The following LOXL4 variants were observed in gnomAD, a reference collection of about 807,000 sequenced individuals.
The protein encoded by LOXL4 is lysyl oxidase homolog 4.
LOXL4 carries 72 observed loss-of-function variants against 89.1 expected under a neutral mutation model. The ratio of observed to expected loss-of-function variants is 0.81; its 90% confidence interval spans 0.67 to 0.98. The LOEUF is 0.98. LOXL4 is among the 50% of genes least tolerant of loss of function. The pLI, the probability that LOXL4 is intolerant of heterozygous loss-of-function variation, is 0.00. For synonymous variants in LOXL4, 355 were observed against 392.1 expected (o/e 0.91, Z 1.12); for missense variants, 984 against 1,017.5 (o/e 0.97, Z 0.45).
chr10:98,251,493 A>G (rs1244737749), intron 13 of LOXL4, 73 bp downstream of exon 13: 6 of 1,575,458 alleles, frequency 3.8e-6, no homozygotes, highest in Non-Finnish European at 5.2e-6. Context: ...TCTTCCCTTC[A>G]TTTGCCCTCA....
chr10:98,265,190 G>A (rs1216670432), intron 1 of LOXL4, among the ~76,000 whole-genome samples: 6 of 152,134 alleles, frequency 3.9e-5, no homozygotes, highest in Admixed American at 6.5e-5. Context: ...GCTGGGGTTC[G>A]AATCCTGCCT....
In LOXL4 at chr10:98,260,130, A is replaced by G. The variant is rs1048483513; in HGVS notation, c.663-701T>C. ...GACTGTGGCTGTCGTTTACTGGTTGATGCAATCAGTTGTGACAGTTCCGCC... is the reference window on the plus strand; with the variant it reads ...GACTGTGGCTGTCGTTTACTGGTTGGTGCAATCAGTTGTGACAGTTCCGCC... On this transcript the variant is annotated intron_variant, in intron 4 of 14. Transcript: ENST00000260702. 7.9e-5 allele frequency among the ~76,000 whole-genome samples: 12 copies of G among 152,288 alleles called. No individual in the cohort carries two copies. The East Asian group carries it at 2.3e-3, about 29-fold the overall frequency.
At chr10:98,260,672 C>A (rs1191502660) in intron 4 of LOXL4, among the ~76,000 whole-genome samples, 1 of 152,148 alleles carries the variant, frequency 6.6e-6, no homozygotes, top group African/African-American at 2.4e-5. Context: ...TTCTCTCCCC[C>A]AATCCCAACA....
intron 1 of LOXL4, 83 bp from the exon 2 acceptor site, chr10:98,263,134 G>T: frequency 8.6e-7 from 1 of 1,163,558 alleles, no homozygotes; most frequent in Non-Finnish European, 1.2e-6. Context: ...CTCCTGGCAA[G>T]ACAAAGGAAA....
chr10:98,256,950 G>A lies in LOXL4; in HGVS notation c.1261-3C>T. On this transcript the variant is annotated splice_region_variant and splice_polypyrimidine_tract_variant and intron_variant, in intron 8 of 14. Transcript: ENST00000260702. ...ATACGCCCACCAGCCAAGCGCACCT[G>A]CAATGGCGAGGGGTGTGTGAGGAGT... 1 of 1,613,658 alleles carries A rather than the reference G, an allele frequency of 6.2e-7. No individual in the cohort carries two copies.
At chr10:98,267,489 G>A (rs1182030671) in intron 1 of LOXL4, among the ~76,000 whole-genome samples, 3 of 152,150 alleles carry the variant, frequency 2.0e-5, no homozygotes, top group Non-Finnish European at 4.4e-5. Flanking sequence ...TGTCCTGAGG[G>A]TGCAGCAACT....
chr10:98,252,810 G>T (rs1307900312), intron 11 of LOXL4, among the ~76,000 whole-genome samples: 1 of 152,196 alleles, frequency 6.6e-6, no homozygotes, highest in Non-Finnish European at 1.5e-5. Flanking sequence ...CCTAGGAGCT[G>T]ACCTGCTGGG....
At chr10:98,258,356 A>C (rs1397603110) in intron 6 of LOXL4, among the ~76,000 whole-genome samples, 192 bp from the exon 7 acceptor site, 1 of 151,664 alleles carries the variant, frequency 6.6e-6, no homozygotes, top group Non-Finnish European at 1.5e-5. Context: ...CTTGATCTCC[A>C]TTTCTTCAAT....
At chr10:98,249,601 A>C (rs1858129611) in intron 14 of LOXL4, among the ~76,000 whole-genome samples, 1 of 152,224 alleles carries the variant, frequency 6.6e-6, no homozygotes, top group African/African-American at 2.4e-5. Flanking sequence ...CCTTTAATTA[A>C]ATAAACTCAG....
rs1336388698 is a variant in LOXL4, at chr10:98,252,488, G to A, written c.1836-20C>T. On this transcript the variant is annotated intron_variant, in intron 11 of 14. Transcript: ENST00000260702. ...TAATGCCTGCAGAAGGGGTAGAGCTGTCAGTGCGGCAGCAACAGGAGAGGG... is the reference window on the plus strand; with the variant it reads ...TAATGCCTGCAGAAGGGGTAGAGCTATCAGTGCGGCAGCAACAGGAGAGGG... The A allele has an allele frequency of 4.5e-6, 7 of 1,555,768 alleles. No homozygotes were observed. The highest frequency in any genetic ancestry group is 5.3e-6 in the Non-Finnish European group (6 of 1,127,670).
intron 12 of LOXL4, 177 bp downstream of exon 12, chr10:98,252,176 A>G (rs770189239): frequency 1.7e-6 from 1 of 591,246 alleles, no homozygotes; most frequent in South Asian, 2.0e-5. Flanking sequence ...AGAGGAAGTA[A>G]AAACCTCCTG....
intron 1 of LOXL4, 120 bp from the exon 2 acceptor site, chr10:98,263,171 T>TGG: frequency 1.4e-6 from 1 of 718,150 alleles, no homozygotes. Context: ...TGTGTGTGTG[T>TGG]GTGCACGCGC....
chr10:98,251,434 G>T, intron 13 of LOXL4, 132 bp downstream of exon 13: 1 of 1,266,844 alleles, frequency 7.9e-7, no homozygotes, highest in Non-Finnish European at 1.1e-6. Context: ...TTCCCTAACA[G>T]GACAGCTCCT....
Position 98,258,050 on chromosome 10 carries a change from T to A in LOXL4, c.1036A>T (p.Ser346Cys). The A allele has an allele frequency of 6.2e-7, 1 of 1,613,796 alleles. No homozygotes were observed. The highest frequency in any genetic ancestry group is 8.5e-7 in the Non-Finnish European group (1 of 1,179,986). Residue 346 changes from serine (S) to cysteine (C), a missense_variant, in exon 7 of 15, where the codon AGT (serine) becomes TGT (cysteine). Ser to Cys is a moderately radical substitution (Grantham distance 112). Coordinates refer to ENST00000260702, the MANE Select transcript of LOXL4 (RefSeq NM_032211.7). ...AAGCCCAGCTGACGACACACGACAC[T>A]GGCAGAGATGAGGTTCCACCTGTGG... is the stretch of plus-strand genomic sequence containing the variant. The part of the protein sequence containing the change: ...CDHRWNLISA[S>C]VVCRQLGFGS...
chr10:98,259,526 C>T, intron 4 of LOXL4, 97 bp from the exon 5 acceptor site: 1 of 1,070,508 alleles, frequency 9.3e-7, no homozygotes, highest in Non-Finnish European at 1.4e-6. Context: ...TTGCACAGGA[C>T]TTTACATTTT....
At chr10:98,261,987 C>G (rs764785483) in intron 3 of LOXL4, 48 bp downstream of exon 3, 13 of 1,536,748 alleles carry the variant, frequency 8.5e-6, no homozygotes, top group Non-Finnish European at 1.1e-5. Context: ...GCTCTCTGTT[C>G]TCTGACCCAG....
chr10:98,255,492 A>G, intron 10 of LOXL4, 85 bp downstream of exon 10: 1 of 1,427,904 alleles, frequency 7.0e-7, no homozygotes, highest in Non-Finnish European at 9.4e-7. Context: ...TGCTGGCCAT[A>G]GACCTGGGAC....
chr10:98,252,462 G>T lies in LOXL4; in HGVS notation c.1842C>A (p.Tyr614Ter), dbSNP rs140271302. ...SWVWHQCHRH[Y>*]HSIEVFTHYD... ...AGTGGGTGAAGACCTCAATGCTGTG[G>T]TAATGCCTGCAGAAGGGGTAGAGCT... The change falls in exon 12 of 15, where the codon TAC becomes TAA. Residue 614 changes from tyrosine to a stop codon, truncating the protein, a stop_gained. Coordinates refer to ENST00000260702, the MANE Select transcript of LOXL4 (RefSeq NM_032211.7). LOFTEE classifies it high-confidence loss of function. 318 of 1,611,610 alleles carry T rather than the reference G, an allele frequency of 2.0e-4. 2 individuals carry two copies. The South Asian group carries it at 2.6e-3, about 13-fold the overall frequency.
chr10:98,267,449 C>T (rs1192918305), intron 1 of LOXL4, among the ~76,000 whole-genome samples: 3 of 152,148 alleles, frequency 2.0e-5, no homozygotes, highest in Non-Finnish European at 4.4e-5. Context: ...AGCAAATGCC[C>T]GAGTATTCAA....
Sources: gnomAD v4.1 joint callset for allele counts (sites outside exome capture counted in the v4.1 genomes callset) on GRCh38, gnomAD v4.1.1 for gene constraint, MANE v1.5 for transcripts, NCBI Gene and HGNC (gene_info 2026-07-23, HGNC 2026-07-21) for gene names.